The following CIP2A variants were observed in gnomAD, a reference collection of about 807,000 sequenced individuals.
CIP2A encodes the protein protein CIP2A.
In CIP2A, 103 loss-of-function variants were observed where a neutral mutation model predicts 110.9. That is an observed-to-expected ratio of 0.93 (90% CI 0.79 to 1.09). The LOEUF is 1.09. Ranked by LOEUF, CIP2A falls within the 50% of genes least tolerant of loss-of-function variation. CIP2A has a pLI of 0.00. For missense variants in CIP2A, 1,088 were observed against 1,038.4 expected, an observed-to-expected ratio of 1.05 and a Z score of -0.66; for synonymous variants, 381 against 361.6, an observed-to-expected ratio of 1.05 and a Z score of -0.61.
rs751702106 is a variant in CIP2A at position 108,563,200 on chromosome 3, A to T, written c.1560T>A (p.Asp520Glu). 1.2e-6 allele frequency: 2 copies of T among 1,612,842 alleles called. No homozygotes were observed. The highest frequency in any genetic ancestry group is 2.2e-5 in the South Asian group (2 of 91,018). ...ITPLAFALTS[D>E]NREQVQSGLR... ...GTCCAGACTGTACTTGTTCTCTATT[A>T]TCTGACGTTAAAGCAAAAGCCAAAG... Residue 520 changes from aspartate to glutamate, a missense_variant, in exon 13 of 21, where the codon GAT (aspartate) becomes GAA (glutamate). Coordinates refer to ENST00000295746, the MANE Select transcript of CIP2A (RefSeq NM_020890.3).
At chr3:108,568,338 G>C in intron 9 of CIP2A, 24 bp from the exon 10 acceptor site, 1 of 1,600,730 alleles carries the variant, frequency 6.2e-7, no homozygotes, top group South Asian at 1.1e-5. Flanking sequence ...CATCACAAAT[G>C]ATTAAAAGCA....
At chr3:108,577,207 T>C (rs1938685605) in intron 7 of CIP2A, among the ~76,000 whole-genome samples, 1 of 152,130 alleles carries the variant, frequency 6.6e-6, no homozygotes, top group Admixed American at 6.5e-5. Flanking sequence ...TGAGAGGTTG[T>C]TAGGGATCAG....
At chr3:108,568,389 G>C (rs1401645861) in intron 9 of CIP2A, 75 bp from the exon 10 acceptor site, 4 of 1,197,092 alleles carry the variant, frequency 3.3e-6, no homozygotes, top group Admixed American at 4.7e-5. Context: ...TCACTGAATT[G>C]TAACACTCTC....
chr3:108,576,204 G>GT (rs1415609834), intron 8 of CIP2A, 67 bp downstream of exon 8: 4 of 998,164 alleles, frequency 4.0e-6, no homozygotes, highest in African/African-American at 1.7e-5. Flanking sequence ...GTATTTTGCA[G>GT]TTTTTTAAAA....
intron 2 of CIP2A, among the ~76,000 whole-genome samples, chr3:108,584,661 A>G (rs1288216505): frequency 2.6e-5 from 4 of 152,200 alleles, no homozygotes; most frequent in African/African-American, 9.7e-5. Context: ...GTTTTATTGG[A>G]CAATGCTGCT....
chr3:108,560,080 A>G, intron 14 of CIP2A, 52 bp from the exon 15 acceptor site: 1 of 1,044,334 alleles, frequency 9.6e-7, no homozygotes, highest in Non-Finnish European at 1.4e-6. Flanking sequence ...ATTTTGACAC[A>G]ATGACAAAAT....
intron 18 of CIP2A, 44 bp from the exon 19 acceptor site, chr3:108,553,774 A>G (rs548589044): frequency 6.7e-7 from 1 of 1,485,402 alleles, no homozygotes; most frequent in East Asian, 2.3e-5. Flanking sequence ...AATGAACCAT[A>G]TACCATTTGT....
chr3:108,585,615 C>G (rs899668060), intron 1 of CIP2A: 2 of 451,448 alleles, frequency 4.4e-6, no homozygotes, highest in African/African-American at 4.0e-5. Flanking sequence ...AATCTGCACT[C>G]TAGTACCAAT....
chr3:108,554,541 G>A (rs999319271), intron 17 of CIP2A, 52 bp from the exon 18 acceptor site: 1 of 748,154 alleles, frequency 1.3e-6, no homozygotes, highest in Non-Finnish European at 2.3e-6. Context: ...AACATATGAA[G>A]GAGAAAAGAA....
Position 108,575,298 on chromosome 3 carries a change from G to A in CIP2A, c.894+973C>T, listed in dbSNP as rs113117283. The stretch of plus-strand genomic sequence containing the variant: ...CACACACACGTGTACGTACACACAC[G>A]TGTACGTACACACACGTGCATGTAC... On this transcript the variant is annotated intron_variant, in intron 8 of 20. Transcript: ENST00000295746. 4.6e-3 allele frequency among the ~76,000 whole-genome samples: 692 copies of A among 150,220 alleles called. 3 individuals carry two copies. The highest frequency in any genetic ancestry group is 0.015 in the African/African-American group (631 of 40,766).
rs1281258648 is a variant in CIP2A, at chr3:108,569,614, A to C, written c.895-7T>G. On this transcript the variant is annotated splice_region_variant and splice_polypyrimidine_tract_variant and intron_variant, in intron 8 of 20. Transcript: ENST00000295746. Reference sequence around the variant, plus strand: ...CAAGAAGTAATTCTAAAACCTGTGCAATATAAAGTGTTCATTAAACATCAA... The same window carrying C: ...CAAGAAGTAATTCTAAAACCTGTGCCATATAAAGTGTTCATTAAACATCAA... 1 of 1,604,642 alleles carries C rather than the reference A, an allele frequency of 6.2e-7. No homozygotes were observed. The highest frequency in any genetic ancestry group is 2.2e-5 in the East Asian group (1 of 44,676).
At position 108,589,382 on chromosome 3, in the gene CIP2A, G is replaced by A. The variant is rs1251452058; in HGVS notation, c.-7C>T. On this transcript the variant is annotated 5_prime_UTR_variant, in exon 1 of 21. Transcript: ENST00000295746. ...AGCAGGCAGTGGAGTCCATTGCACC[G>A]GCCGCGGCCCGGCTTAGGGACCACC... 6 of 1,606,450 alleles carry A rather than the reference G, an allele frequency of 3.7e-6. No homozygotes were observed. The highest frequency in any genetic ancestry group is 1.7e-4 in the Middle Eastern group (1 of 6,054).
chr3:108,569,443 GTCCAAAGGTTGGC>G lies in CIP2A; in HGVS notation c.1046_1058del (p.Ser349ThrfsTer9). The G allele has an allele frequency of 6.2e-7, 1 of 1,612,456 alleles. No individual in the cohort carries two copies. The highest frequency in any genetic ancestry group is 1.3e-5 in the African/African-American group (1 of 74,836). ...CTAAAACAGAACAGTTTTCTGATCC[GTCCAAAGGTTGGC>G]TTAACCAGCGCAGTAGAGCCACAGT... On this transcript the variant is annotated frameshift_variant, in exon 9 of 21. Transcript: ENST00000295746. LOFTEE classifies it high-confidence loss of function.
rs769626461 is a variant in CIP2A at position 108,581,528 on chromosome 3, G to A, written c.453-17C>T. 2 of 1,495,986 alleles carry A rather than the reference G, an allele frequency of 1.3e-6. No individual in the cohort carries two copies. The highest frequency in any genetic ancestry group is 1.9e-6 in the Non-Finnish European group (2 of 1,078,642). 92.7% of individuals were successfully genotyped at this position (1,495,986 alleles called of 1,614,324 possible). ...GAAGATTGACTGTTGTTTTACATTG[G>A]TGTTTTGTTTAAAGAAAAAATAGTA... On this transcript the variant is annotated splice_polypyrimidine_tract_variant and intron_variant, in intron 4 of 20. Transcript: ENST00000295746.
chr3:108,551,373 A>G (rs987249514), intron 20 of CIP2A, 54 bp from the exon 21 acceptor site: 156 of 1,338,496 alleles, frequency 1.2e-4, no homozygotes, highest in Non-Finnish European at 1.5e-4. Flanking sequence ...AATAACTTTA[A>G]TGTTTTCTCT....
intron 8 of CIP2A, chr3:108,574,741 C>T (rs1938510382): frequency 6.5e-6 from 1 of 152,800 alleles, no homozygotes; most frequent in Non-Finnish European, 1.5e-5. Flanking sequence ...TGCTGTCCCC[C>T]ATCTAGGCTT....
chr3:108,582,136 C>G lies in CIP2A; in HGVS notation c.424G>C (p.Glu142Gln), dbSNP rs926457017. The G allele has an allele frequency of 1.3e-6, 2 of 1,495,104 alleles. No individual in the cohort carries two copies. Among genetic ancestry groups the G allele is most frequent in the Non-Finnish European group, 9.2e-7 (1 of 1,086,916 alleles). The allele number at this position is 1,495,104 out of a possible 1,614,324, so 92.6% of individuals were successfully genotyped here. A position where few individuals can be genotyped will look rare whatever the true frequency, so the allele number is the denominator to read the frequency against. ...KIFYSGANID[E>Q]LITFLIDHIQ... ...TGATCTATCAGGAACGTAATTAATTCATCTATATTGGCACCAGAATAGAAA... is the reference window on the plus strand; with the variant it reads ...TGATCTATCAGGAACGTAATTAATTGATCTATATTGGCACCAGAATAGAAA... The change falls in exon 4 of 21, where the codon GAA (glutamate) becomes CAA (glutamine). Residue 142 changes from glutamate to glutamine, a missense_variant. Physicochemically the swap from Glu to Gln is conservative, Grantham distance 29 (BLOSUM62 2). Coordinates refer to ENST00000295746, the MANE Select transcript of CIP2A (RefSeq NM_020890.3).
chr3:108,557,974 A>C (rs1452452706), intron 16 of CIP2A, among the ~76,000 whole-genome samples: 2 of 152,160 alleles, frequency 1.3e-5, no homozygotes, highest in Non-Finnish European at 2.9e-5. Flanking sequence ...TTTATTTTAC[A>C]ATGCTAGACA....
intron 14 of CIP2A, 65 bp downstream of exon 14, chr3:108,560,584 C>T (rs185287025): frequency 2.5e-5 from 23 of 908,390 alleles, no homozygotes; most frequent in African/African-American, 2.4e-4. Flanking sequence ...TTTAGATACA[C>T]GTTATAATTG....
Sources: allele counts gnomAD v4.1 joint callset (sites outside exome capture counted in the v4.1 genomes callset), GRCh38; gene constraint gnomAD v4.1.1; transcripts MANE v1.5; gene names NCBI Gene and HGNC (gene_info 2026-07-23, HGNC 2026-07-21).